The following CHPF variants were observed in gnomAD, a reference collection of about 807,000 sequenced individuals.
CHPF encodes chondroitin polymerizing factor, non-catalytic subunit.
A neutral mutation model predicts 55.1 loss-of-function variants in CHPF; 34 were observed. The ratio of observed to expected loss-of-function variants is 0.62; its 90% confidence interval spans 0.47 to 0.82. The LOEUF (loss-of-function observed/expected upper bound fraction) is 0.82, where lower values mean the gene tolerates loss of function less well. Among genes scored for constraint, CHPF ranks in the 40% least tolerant of loss-of-function variants. CHPF has a pLI of 0.00. For synonymous variants in CHPF, 489 were observed against 496.6 expected, an observed-to-expected ratio of 0.98 and a Z score of 0.20; for missense variants, 961 against 1,106.1, an observed-to-expected ratio of 0.87 and a Z score of 1.86.
rs769220554 is a variant in CHPF, at chr2:219,539,699, C to T, written c.2012G>A (p.Arg671His). ...GAAGCAGGCCTCGCTGGCTGCCTGG[C>T]GATCAAAGCGGCCAGTGTCACGGCC... ...ELGRDTGRFD[R>H]QAASEACFYN... is the part of the protein sequence containing the mutation. The change falls in exon 4 of 4, where the codon CGC becomes CAC. Residue 671 changes from arginine to histidine, a missense_variant. By Grantham distance (29) the Arg-to-His change is conservative. Coordinates refer to ENST00000243776, the MANE Select transcript of CHPF (RefSeq NM_024536.6). 47 of 1,613,228 alleles carry T rather than the reference C, an allele frequency of 2.9e-5. No individual in the cohort carries two copies. Among genetic ancestry groups the T allele is most frequent in the Middle Eastern group, 1.6e-4 (1 of 6,082 alleles).
rs1695221963 is a variant in CHPF at position 219,539,724 on chromosome 2, C to T, written c.1987G>A (p.Gly663Ser). Reference protein sequence around the residue: ...PPQGPGPPELGRDTGRFDRQA... With the variant: ...PPQGPGPPELSRDTGRFDRQA... ...CGATCAAAGCGGCCAGTGTCACGGC[C>T]CAGCTCTGGGGGCCCAGGCCCTTGT... Residue 663 changes from glycine (G) to serine (S), a missense_variant, in exon 4 of 4, where the codon GGC becomes AGC. By Grantham distance (56) the Gly-to-Ser change is moderately conservative (BLOSUM62 0). Around this residue, in one of 3 missense-constraint regions of CHPF, gnomAD observed 936 missense variants for 1,058.4 expected, o/e 0.88. Transcript: ENST00000243776. 6.2e-7 allele frequency: 1 copy of T among 1,613,346 alleles called. No homozygotes were observed. The highest frequency in any genetic ancestry group is 1.7e-5 in the Admixed American group (1 of 60,008).
At position 219,539,522 on chromosome 2, in the gene CHPF, C is replaced by T. The variant is rs76494878; in HGVS notation, c.2189G>A (p.Arg730His). Residue 730 changes from arginine to histidine, a missense_variant, in exon 4 of 4, where the codon CGC (arginine) becomes CAC (histidine). This residue lies in a region of CHPF where 936 missense variants were observed against 1,058.4 expected (regional missense o/e 0.88). Coordinates refer to ENST00000243776, the MANE Select transcript of CHPF (RefSeq NM_024536.6). ...CGCGCTGCACGTCTGGGCCCGGTAG[C>T]GCTGCAGCAGCGCCGGCTCCACCGC... ...LRAVEPALLQ[R>H]YRAQTCSARL... 2.7e-4 allele frequency: 441 copies of T among 1,613,764 alleles called. 2 individuals are homozygous for T. The highest frequency in any genetic ancestry group is 9.8e-4 in the East Asian group (44 of 44,874).
intron 2 of CHPF, 191 bp from the exon 3 acceptor site, chr2:219,541,316 G>A: frequency 1.7e-6 from 1 of 595,584 alleles, no homozygotes; most frequent in Non-Finnish European, 2.8e-6. Context: ...AAATGGGCAT[G>A]CGTCCTGTCT....
chr2:219,541,541 C>T, intron 2 of CHPF, 75 bp downstream of exon 2: 1 of 1,236,780 alleles, frequency 8.1e-7, no homozygotes, highest in Non-Finnish European at 1.1e-6. Context: ...AGACCTGTAT[C>T]TCCAACATCC....
Position 219,540,539 on chromosome 2 carries a change from A to G in CHPF, c.1172T>C (p.Val391Ala). ...APSRPASRFEVLRWDYFTEQH... is the reference protein window; with the variant it reads ...APSRPASRFEALRWDYFTEQH... ...CTCCGTGAAGTAGTCCCAGCGCAGC[A>G]CCTCAAAGCGGGAGGCCGGGCGGGA... The change falls in exon 4 of 4, where the codon GTG (valine) becomes GCG (alanine). Residue 391 changes from valine (V) to alanine (A), a missense_variant. This residue lies in a region of CHPF where 936 missense variants were observed against 1,058.4 expected (regional missense o/e 0.88). Transcript: ENST00000243776. 6.2e-7 allele frequency: 1 copy of G among 1,614,022 alleles called. No individual in the cohort carries two copies. The highest frequency in any genetic ancestry group is 8.5e-7 in the Non-Finnish European group (1 of 1,180,008).
intron 2 of CHPF, 122 bp downstream of exon 2, chr2:219,541,494 A>C: frequency 3.9e-6 from 3 of 766,626 alleles, no homozygotes; most frequent in Non-Finnish European, 6.1e-6. Context: ...GGGGTCACAG[A>C]GATAGAAAAT....
At position 219,542,120 on chromosome 2, in the gene CHPF, G is replaced by A; in HGVS notation, c.384C>T (p.Thr128=). The A allele has an allele frequency of 6.4e-7, 1 of 1,566,560 alleles. No individual in the cohort carries two copies. Among genetic ancestry groups the A allele is most frequent in the Non-Finnish European group, 8.6e-7 (1 of 1,162,664 alleles). ...CGGCCACGCCCAGCGTGGGCAGCGT[G>A]GTCTGAGAGGTCAGCACCGCCACCA... The part of the protein sequence containing the change: ...RLLVAVLTSQ[T]TLPTLGVAVN... The change falls in exon 2 of 4, where the codon ACC becomes ACT. Residue 128 remains threonine (T), a synonymous_variant. Transcript: ENST00000243776.
intron 3 of CHPF, 62 bp from the exon 4 acceptor site, chr2:219,540,704 G>T: frequency 6.8e-7 from 1 of 1,480,240 alleles, no homozygotes; most frequent in Non-Finnish European, 9.0e-7. Flanking sequence ...CACAGCTGGG[G>T]GACTGGGTAG....
chr2:219,541,012 G>A lies in CHPF; in HGVS notation c.1002C>T (p.Tyr334=). ...CTCGGGCGAAAGCTTTGTGCAGCTGGTACATGTGCACAGGGTCACGCACAG... is the reference window on the plus strand; with the variant it reads ...CTCGGGCGAAAGCTTTGTGCAGCTGATACATGTGCACAGGGTCACGCACAG... ...AHPVRDPVHM[Y]QLHKAFARAE... Residue 334 remains tyrosine (Y), a synonymous_variant, in exon 3 of 4, where the codon TAC becomes TAT. Coordinates refer to ENST00000243776, the MANE Select transcript of CHPF (RefSeq NM_024536.6). 1.2e-6 allele frequency: 2 copies of A among 1,614,028 alleles called. No individual in the cohort carries two copies. Among genetic ancestry groups the A allele is most frequent in the Non-Finnish European group, 8.5e-7 (1 of 1,179,976 alleles).
chr2:219,543,115 TC>T, intron 1 of CHPF, 109 bp downstream of exon 1: 1 of 1,366,064 alleles, frequency 7.3e-7, no homozygotes, highest in Non-Finnish European at 9.4e-7. Context: ...CCCAAAGACT[TC>T]CTGGCTCGCC....
rs1197898804 is a variant in CHPF, at chr2:219,539,534, G to A, written c.2177C>T (p.Ala726Val). Residue 726 changes from alanine to valine, a missense_variant, in exon 4 of 4, where the codon GCG (alanine) becomes GTG (valine). Around this residue, in one of 3 missense-constraint regions of CHPF, gnomAD observed 936 missense variants for 1,058.4 expected, o/e 0.88. Coordinates refer to ENST00000243776, the MANE Select transcript of CHPF (RefSeq NM_024536.6). ...SLHVLRAVEP[A>V]LLQRYRAQTC... ...CTGGGCCCGGTAGCGCTGCAGCAGC[G>A]CCGGCTCCACCGCCCGCAGCACATG... 5.0e-6 allele frequency: 8 copies of A among 1,613,690 alleles called. No individual in the cohort carries two copies. Among genetic ancestry groups the A allele is most frequent in the African/African-American group, 4.0e-5 (3 of 74,938 alleles).
rs1574499410 is a variant in CHPF, at chr2:219,540,142, A to T, written c.1569T>A (p.Pro523=). ...CAGTGGCAAAGGCCTCCAAGAAGCC[A>T]GGGGCCAGGTCACGCTCAGCCGCAG... is the stretch of plus-strand genomic sequence containing the variant. The part of the protein sequence containing the change: ...PLAAAERDLA[P]GFLEAFATAA... Residue 523 remains proline (P), a synonymous_variant, in exon 4 of 4, where the codon CCT becomes CCA. Coordinates refer to ENST00000243776, the MANE Select transcript of CHPF (RefSeq NM_024536.6). 1 of 1,601,274 alleles carries T rather than the reference A, an allele frequency of 6.2e-7. No homozygotes were observed.
At position 219,540,246 on chromosome 2, in the gene CHPF, G is replaced by A. The variant is rs368679810; in HGVS notation, c.1465C>T (p.Arg489Trp). ...RPLTRRVQLL[R>W]PLSRVEILPV... is the part of the protein sequence containing the mutation. ...AAGATCTCCACGCGGCTCAGCGGCC[G>A]GAGCAGCTGCACTCGGCGAGTGAGG... Residue 489 changes from arginine to tryptophan, a missense_variant, in exon 4 of 4, where the codon CGG becomes TGG. By Grantham distance (101) the Arg-to-Trp change is moderately radical. Coordinates refer to ENST00000243776, the MANE Select transcript of CHPF (RefSeq NM_024536.6). 37 of 1,613,544 alleles carry A rather than the reference G, an allele frequency of 2.3e-5. No homozygotes were observed. Among genetic ancestry groups the A allele is most frequent in the Non-Finnish European group, 2.7e-5 (32 of 1,179,810 alleles).
chr2:219,543,391 G>A lies in CHPF; in HGVS notation c.148C>T (p.Leu50=), dbSNP rs1229054951. The A allele has an allele frequency of 1.3e-6, 2 of 1,560,424 alleles. No homozygotes were observed. The highest frequency in any genetic ancestry group is 1.7e-6 in the Non-Finnish European group (2 of 1,163,212). Residue 50 remains leucine, a synonymous_variant, in exon 1 of 4, where the codon CTG becomes TTG. Coordinates refer to ENST00000243776, the MANE Select transcript of CHPF (RefSeq NM_024536.6). ...GCGTTGGTGTTGCCGCGCGGCGGCA[G>A]CTCAGAGTCTCCAGGTTGGGGCGGG... ...PGPPQPGDSE[L]PPRGNTNAAR...
chr2:219,541,587 G>A (rs1421748171), intron 2 of CHPF, 29 bp downstream of exon 2: 7 of 1,500,174 alleles, frequency 4.7e-6, no homozygotes, highest in Non-Finnish European at 6.3e-6. Context: ...ATGACAAGGA[G>A]GTATCAGTGG....
intron 2 of CHPF, 133 bp from the exon 3 acceptor site, chr2:219,541,258 G>C: frequency 1.1e-6 from 1 of 872,774 alleles, no homozygotes; most frequent in Non-Finnish European, 1.7e-6. Flanking sequence ...ACCTTGACCA[G>C]TTGTGAGTCT....
At position 219,543,386 on chromosome 2, in the gene CHPF, C is replaced by T; in HGVS notation, c.153G>A (p.Pro51=). The T allele has an allele frequency of 6.4e-7, 1 of 1,559,206 alleles. No individual in the cohort carries two copies. The highest frequency in any genetic ancestry group is 8.6e-7 in the Non-Finnish European group (1 of 1,162,654). ...GPPQPGDSEL[P]PRGNTNAARR... Reference sequence around the variant, plus strand: ...GCGCCGCGTTGGTGTTGCCGCGCGGCGGCAGCTCAGAGTCTCCAGGTTGGG... The same window carrying T: ...GCGCCGCGTTGGTGTTGCCGCGCGGTGGCAGCTCAGAGTCTCCAGGTTGGG... Residue 51 remains proline (P), a synonymous_variant, in exon 1 of 4, where the codon CCG becomes CCA. Transcript: ENST00000243776.
intron 2 of CHPF, 24 bp from the exon 3 acceptor site, chr2:219,541,149 C>T: frequency 6.4e-7 from 1 of 1,555,524 alleles, no homozygotes; most frequent in Non-Finnish European, 8.7e-7. Flanking sequence ...GGGAAGGGAT[C>T]TGTGATGAGC....
At position 219,538,967 on chromosome 2, in the gene CHPF, A is replaced by C; in HGVS notation, c.*416T>G. On this transcript the variant is annotated 3_prime_UTR_variant, in exon 4 of 4. Coordinates refer to ENST00000243776, the MANE Select transcript of CHPF (RefSeq NM_024536.6). ...CTGAATCACAAGTCCACACTTGGCC[A>C]GTTTATTAAAGGCAGGGAGCTTCGG... 1 of 169,546 alleles carries C rather than the reference A, an allele frequency of 5.9e-6. No homozygotes were observed. Among genetic ancestry groups the C allele is most frequent in the Non-Finnish European group, 1.3e-5 (1 of 79,218 alleles). 10.5% of individuals were successfully genotyped at this position (169,546 alleles called of 1,614,324 possible).
Sources: allele counts gnomAD v4.1 joint callset, GRCh38; gene constraint gnomAD v4.1.1; regional missense constraint gnomAD v4.1.1; transcripts MANE v1.5; gene names NCBI Gene and HGNC (gene_info 2026-07-23, HGNC 2026-07-21).